SLC1A5: variants seen among roughly 807,000 people sequenced by gnomAD.
SLC1A5 encodes the protein neutral amino acid transporter B(0).
Under a neutral mutation model 34.9 loss-of-function variants are expected in SLC1A5, and 25 were observed. The observed-to-expected ratio is 0.72, with a 90% CI of 0.52 to 1.00. The LOEUF is 1.00. Ranked by LOEUF, SLC1A5 falls within the 50% of genes least tolerant of loss-of-function variation. SLC1A5 has a pLI of 0.00. For synonymous variants in SLC1A5, 351 were observed against 341.2 expected, an observed-to-expected ratio of 1.03 and a Z score of -0.32; for missense variants, 637 against 740.0, an observed-to-expected ratio of 0.86 and a Z score of 1.61.
intron 1 of SLC1A5, among the ~76,000 whole-genome samples, chr19:46,786,096 C>T (rs986990447): frequency 2.7e-5 from 4 of 150,930 alleles, no homozygotes; most frequent in African/African-American, 7.3e-5. Flanking sequence ...TGTGTGACCA[C>T]ATAGGTGTGT....
chr19:46,784,735 C>T (rs939992936), intron 1 of SLC1A5, 176 bp from the exon 2 acceptor site: 4 of 1,486,072 alleles, frequency 2.7e-6, no homozygotes, highest in Non-Finnish European at 9.0e-7. Flanking sequence ...GCTTGCACCC[C>T]TTTGCAGGAC....
chr19:46,775,474 C>T lies in SLC1A5; in HGVS notation c.*36G>A. Reference sequence around the variant, plus strand: ...TCCTCATAATCCAGTGTCCAAAGAGCACCCCCAGCAGGGCAGGGAAGGTCC... The same window carrying T: ...TCCTCATAATCCAGTGTCCAAAGAGTACCCCCAGCAGGGCAGGGAAGGTCC... On this transcript the variant is annotated 3_prime_UTR_variant, in exon 8 of 8. Coordinates refer to ENST00000542575, the MANE Select transcript of SLC1A5 (RefSeq NM_005628.3). 1 of 1,570,672 alleles carries T rather than the reference C, an allele frequency of 6.4e-7. No individual in the cohort carries two copies. The highest frequency in any genetic ancestry group is 8.6e-7 in the Non-Finnish European group (1 of 1,159,326).
Position 46,778,656 on chromosome 19 carries a change from G to GGCCCCCCCCCC in SLC1A5, c.1058+18_1058+19insGGGGGGGGGGC. The GGCCCCCCCCCC allele has an allele frequency of 3.1e-6, 2 of 642,954 alleles. No homozygotes were observed. The highest frequency in any genetic ancestry group is 2.9e-6 in the Non-Finnish European group (1 of 346,600). The allele number at this position is 642,954 out of a possible 1,614,324, so 39.8% of individuals were successfully genotyped here. A position where few individuals can be genotyped will look rare whatever the true frequency, so the allele number is the denominator to read the frequency against. On this transcript the variant is annotated intron_variant, in intron 5 of 7. Coordinates refer to ENST00000542575, the MANE Select transcript of SLC1A5 (RefSeq NM_005628.3). ...TTAGCGGATTAAACATCCCACCCTA[G>GGCCCCCCCCCC]CCCACCCCAAGGCCGTACCTGGAAG...
At chr19:46,776,641 C>G in intron 7 of SLC1A5, 1 of 251,002 alleles carries the variant, frequency 4.0e-6, no homozygotes, top group South Asian at 7.3e-5. Flanking sequence ...GTTCTTCTCC[C>G]CGTTTTACAG....
At position 46,775,229 on chromosome 19, in the gene SLC1A5, G is replaced by A. The variant is rs1332481316; in HGVS notation, c.*281C>T. ...AGACAGGGGAGGCCAGGCAGGTCAC[G>A]GTGGGGACGCAGCAGAACATTATTT... On this transcript the variant is annotated 3_prime_UTR_variant, in exon 8 of 8. Transcript: ENST00000542575. 8.9e-6 allele frequency: 10 copies of A among 1,125,216 alleles called. No homozygotes were observed. The highest frequency in any genetic ancestry group is 1.1e-4 in the East Asian group (2 of 17,502). 69.7% of individuals were successfully genotyped at this position (1,125,216 alleles called of 1,614,324 possible).
chr19:46,783,597 G>C (rs1346135783), intron 3 of SLC1A5, among the ~76,000 whole-genome samples: 1 of 152,120 alleles, frequency 6.6e-6, no homozygotes, highest in Non-Finnish European at 1.5e-5. Context: ...GAGAGTGCAA[G>C]ACCAGCCTGG....
intron 7 of SLC1A5, among the ~76,000 whole-genome samples, chr19:46,776,197 ATTTTTTTT>A: frequency 8.2e-6 from 1 of 121,786 alleles, no homozygotes; most frequent in African/African-American, 3.0e-5. Flanking sequence ...TAATTCCAGA[ATTTTTTTT>A]TTTTTTTTTT....
At chr19:46,778,508 A>G (rs2055116456) in intron 5 of SLC1A5, among the ~76,000 whole-genome samples, 167 bp downstream of exon 5, 1 of 152,178 alleles carries the variant, frequency 6.6e-6, no homozygotes, top group South Asian at 2.1e-4. Flanking sequence ...CTCTAGGGCA[A>G]TCATTTCCTA....
chr19:46,787,744 C>T lies in SLC1A5; in HGVS notation c.222G>A (p.Gly74=). ...GGCCCAACGCCAGCGCACCCCCGGC[C>T]CCCGACACCCCCAGTCCCAGCGCCA... The part of the protein sequence containing the change: ...AGVALGLGVS[G]AGGALALGPE... Residue 74 remains glycine (G), a synonymous_variant, in exon 1 of 8, where the codon GGG becomes GGA. Transcript: ENST00000542575. This position sits in a 1 kb window ranked among gnomAD's most constrained non-coding sequence, Gnocchi z 5.2. 1 of 1,553,524 alleles carries T rather than the reference C, an allele frequency of 6.4e-7. No homozygotes were observed. Among genetic ancestry groups the T allele is most frequent in the Middle Eastern group, 1.7e-4 (1 of 5,828 alleles).
intron 1 of SLC1A5, 114 bp from the exon 2 acceptor site, chr19:46,784,673 G>A (rs2055173680): frequency 2.5e-6 from 4 of 1,604,320 alleles, no homozygotes; most frequent in African/African-American, 2.7e-5. Context: ...GGGCCCGCCT[G>A]CACGCAAATA....
At chr19:46,785,487 G>T (rs935755800) in intron 1 of SLC1A5, among the ~76,000 whole-genome samples, 17 of 152,306 alleles carry the variant, frequency 1.1e-4, no homozygotes, top group African/African-American at 3.8e-4. Context: ...CGACAGCCTT[G>T]GGGATAATCA....
At position 46,778,717 on chromosome 19, in the gene SLC1A5, C is replaced by G; in HGVS notation, c.1016G>C (p.Gly339Ala). The G allele has an allele frequency of 6.2e-7, 1 of 1,612,300 alleles. No individual in the cohort carries two copies. The highest frequency in any genetic ancestry group is 1.1e-5 in the South Asian group (1 of 91,054). ...TRKNPYRFLW[G>A]IVTPLATAFG... ...GGCAGTGGCCAGCGGCGTCACGATG[C>G]CCCACAGGAAGCGGTAGGGGTTTTT... Residue 339 changes from glycine (G) to alanine (A), a missense_variant, in exon 5 of 8, where the codon GGC becomes GCC. Transcript: ENST00000542575.
Position 46,787,613 on chromosome 19 carries a change from C to T in SLC1A5, c.353G>A (p.Ser118Asn), listed in dbSNP as rs372180910. The T allele has an allele frequency of 6.4e-7, 1 of 1,563,188 alleles. No individual in the cohort carries two copies. The highest frequency in any genetic ancestry group is 8.6e-7 in the Non-Finnish European group (1 of 1,156,822). The change falls in exon 1 of 8, where the codon AGC becomes AAC. Residue 118 changes from serine (S) to asparagine (N), a missense_variant. Transcript: ENST00000542575. The surrounding 1 kb of genome is among the most constrained non-coding windows in gnomAD (Gnocchi z 5.2). ...VVCSLIGGAA[S>N]LDPGALGRLG... The stretch of plus-strand genomic sequence containing the variant: ...ACGGCCGAGCGCGCCGGGGTCCAGG[C>T]TGGCGGCGCCGCCGATCAAGCTGCA...
intron 5 of SLC1A5, among the ~76,000 whole-genome samples, chr19:46,778,100 G>A (rs1471525982): frequency 4.6e-5 from 7 of 152,148 alleles, no homozygotes; most frequent in African/African-American, 9.7e-5. Flanking sequence ...CAGGAGAGAC[G>A]GTGGAAGGAG....
At chr19:46,783,397 C>T (rs1171719353) in intron 3 of SLC1A5, among the ~76,000 whole-genome samples, 1 of 145,520 alleles carries the variant, frequency 6.9e-6, no homozygotes, top group African/African-American at 2.5e-5. Flanking sequence ...ACCCGGGAGG[C>T]GGAGGTTGCA....
chr19:46,782,207 C>T (rs568974689), intron 4 of SLC1A5, among the ~76,000 whole-genome samples, 176 bp downstream of exon 4: 87 of 152,280 alleles, frequency 5.7e-4, no homozygotes, highest in Non-Finnish European at 1.0e-3. Flanking sequence ...AGGAAAATCA[C>T]TTGCCTAAAA....
At chr19:46,776,874 T>G (rs1479130097) in intron 7 of SLC1A5, 101 bp downstream of exon 7, 25 of 1,295,002 alleles carry the variant, frequency 1.9e-5, no homozygotes, top group Non-Finnish European at 2.3e-5. Flanking sequence ...CCTTCCTTCT[T>G]CTCTTCCTCT....
chr19:46,782,426 A>G lies in SLC1A5; in HGVS notation c.781T>C (p.Ser261Pro), dbSNP rs1265635355. Residue 261 changes from serine (S) to proline (P), a missense_variant, in exon 4 of 8, where the codon TCC becomes CCC. Transcript: ENST00000542575. ...EGELLIRFFNSFNEATMVLVS... is the reference protein window; with the variant it reads ...EGELLIRFFNPFNEATMVLVS... ...AGAACCATGGTGGCCTCATTGAAGG[A>G]GTTGAAGAAGCGGATAAGCAGCTCC... The G allele has an allele frequency of 2.1e-6, 3 of 1,463,074 alleles. No individual in the cohort carries two copies. The highest frequency in any genetic ancestry group is 2.8e-6 in the Non-Finnish European group (3 of 1,088,246). The allele number at this position is 1,463,074 out of a possible 1,614,324, so 90.6% of individuals were successfully genotyped here. A position where few individuals can be genotyped will look rare whatever the true frequency, so the allele number is the denominator to read the frequency against.
chr19:46,788,308 T>G lies in SLC1A5; in HGVS notation c.-343A>C. On this transcript the variant is annotated 5_prime_UTR_variant, in exon 1 of 8. Transcript: ENST00000542575. ...CGTGGGGCCCTTGGCTCCAGGAGGTTGAGTGCCCCCAGATGGCGGAGGTCT... is the reference window on the plus strand; with the variant it reads ...CGTGGGGCCCTTGGCTCCAGGAGGTGGAGTGCCCCCAGATGGCGGAGGTCT... 3.8e-6 allele frequency: 1 copy of G among 261,452 alleles called. No homozygotes were observed. Among genetic ancestry groups the G allele is most frequent in the East Asian group, 7.6e-5 (1 of 13,120 alleles). The allele number at this position is 261,452 out of a possible 1,614,324, so 16.2% of individuals were successfully genotyped here.
Sources: allele counts gnomAD v4.1 joint callset (sites outside exome capture counted in the v4.1 genomes callset), GRCh38; gene constraint gnomAD v4.1.1; non-coding constraint Gnocchi (gnomAD v3.1); transcripts MANE v1.5; gene names NCBI Gene and HGNC (gene_info 2026-07-23, HGNC 2026-07-21).